The following HTRA2 variants were observed in gnomAD, a reference collection of about 807,000 sequenced individuals.
The protein encoded by HTRA2 is serine protease HTRA2, mitochondrial.
A neutral mutation model predicts 42.2 loss-of-function variants in HTRA2; 24 were observed. That is an observed-to-expected ratio of 0.57 (90% CI 0.41 to 0.80). The LOEUF (loss-of-function observed/expected upper bound fraction) is 0.80, where lower values mean the gene tolerates loss of function less well. HTRA2 is among the 30% of genes least tolerant of loss of function. HTRA2 has a pLI of 0.00. For missense variants in HTRA2, 466 were observed against 613.5 expected (o/e 0.76, Z 2.54); for synonymous variants, 245 against 255.8 (o/e 0.96, Z 0.40).
chr2:74,532,453 G>A, intron 6 of HTRA2, 166 bp from the exon 7 acceptor site: 1 of 675,366 alleles, frequency 1.5e-6, no homozygotes, highest in Admixed American at 2.0e-5. Context: ...TGTACATGTT[G>A]CACTTTATTG....
Position 74,531,372 on chromosome 2 carries a change from G to A in HTRA2, c.939+1G>A. ...CTCTGGAGGTCCCCTGGTTAACCTG[G>A]TGAGTGAGACATCCTTCCTTCCAAG... On this transcript the variant is annotated splice_donor_variant, in intron 4 of 7. Coordinates refer to ENST00000258080, the MANE Select transcript of HTRA2 (RefSeq NM_013247.5). LOFTEE classifies it high-confidence loss of function. 6.2e-7 allele frequency: 1 copy of A among 1,614,136 alleles called. No individual in the cohort carries two copies. Among genetic ancestry groups the A allele is most frequent in the Non-Finnish European group, 8.5e-7 (1 of 1,179,962 alleles).
Position 74,531,312 on chromosome 2 carries a change from C to T in HTRA2, c.907-27C>T, listed in dbSNP as rs749674762. On this transcript the variant is annotated intron_variant, in intron 3 of 7. Transcript: ENST00000258080. ...CCCCAGACTTAGAATCCCCAGATCT[C>T]TTTCATGTTTTCTCCTTGTCCTACA... 2.5e-6 allele frequency: 4 copies of T among 1,613,344 alleles called. No homozygotes were observed. The South Asian group carries it at 4.4e-5, about 18-fold the overall frequency.
At chr2:74,531,212 C>T (rs1675570091) in intron 3 of HTRA2, 107 bp downstream of exon 3, 5 of 1,548,256 alleles carry the variant, frequency 3.2e-6, no homozygotes, top group Admixed American at 1.7e-5. Flanking sequence ...AGAGCTTAGG[C>T]TGCAAAAATG....
Position 74,533,001 on chromosome 2 carries a change from T to C in HTRA2, c.*16T>C. 1 of 1,611,296 alleles carries C rather than the reference T, an allele frequency of 6.2e-7. No homozygotes were observed. The highest frequency in any genetic ancestry group is 8.5e-7 in the Non-Finnish European group (1 of 1,178,532). On this transcript the variant is annotated 3_prime_UTR_variant, in exon 8 of 8. Transcript: ENST00000258080. The stretch of plus-strand genomic sequence containing the variant: ...CACAGAATGAATAGATCACCAAGAG[T>C]ATGAGGCTCCTGCTCTGATTTCCTC...
rs777594437 is a variant in HTRA2 at position 74,531,848 on chromosome 2, T to C, written c.1046-8T>C. On this transcript the variant is annotated splice_region_variant and splice_polypyrimidine_tract_variant and intron_variant, in intron 5 of 7. Coordinates refer to ENST00000258080, the MANE Select transcript of HTRA2 (RefSeq NM_013247.5). ...GCTGGGTGGGGCTCATTTGTCCCTC[T>C]GTCACAGATTCCTCCTCCGGAATCA... is the stretch of plus-strand genomic sequence containing the variant. The C allele has an allele frequency of 3.0e-5, 48 of 1,613,894 alleles. No individual in the cohort carries two copies. The highest frequency in any genetic ancestry group is 3.9e-5 in the Non-Finnish European group (46 of 1,180,034).
chr2:74,529,780 G>T (rs1675444833), upstream of HTRA2: 6 of 1,456,780 alleles, frequency 4.1e-6, no homozygotes, highest in Non-Finnish European at 5.4e-6. Context: ...AGCGGTCCCA[G>T]CATACCCCGC....
upstream of HTRA2, chr2:74,529,771 G>C (rs886056341): frequency 2.0e-6 from 3 of 1,474,730 alleles, no homozygotes; most frequent in East Asian, 4.9e-5. Context: ...GGAAGGGCTA[G>C]CGGTCCCAGC....
chr2:74,530,445 T>C lies in HTRA2; in HGVS notation c.439T>C (p.Tyr147His). Residue 147 changes from tyrosine to histidine, a missense_variant, in exon 1 of 8, where the codon TAC becomes CAC. By Grantham distance (83) the Tyr-to-His change is moderately conservative (BLOSUM62 2). This residue lies in a region of HTRA2 where 222 missense variants were observed against 205.1 expected (regional missense o/e 1.08). Coordinates refer to ENST00000258080, the MANE Select transcript of HTRA2 (RefSeq NM_013247.5). The surrounding 1 kb of genome is among the most constrained non-coding windows in gnomAD (Gnocchi z 7.4). Reference sequence around the variant, plus strand: ...GCCGCCCGCTTCTCCCCGGAGTCAGTACAACTTCATCGCAGATGTGGTGGA... The same window carrying C: ...GCCGCCCGCTTCTCCCCGGAGTCAGCACAACTTCATCGCAGATGTGGTGGA... ...SPPPASPRSQYNFIADVVEKT... is the reference protein window; with the variant it reads ...SPPPASPRSQHNFIADVVEKT... 6.2e-7 allele frequency: 1 copy of C among 1,605,984 alleles called. No homozygotes were observed. Among genetic ancestry groups the C allele is most frequent in the Non-Finnish European group, 8.5e-7 (1 of 1,179,826 alleles).
rs755412136 is a variant in HTRA2, at chr2:74,530,516, ATGG to A, written c.506+8_506+10del. The A allele has an allele frequency of 4.3e-5, 69 of 1,612,530 alleles. No homozygotes were observed. The highest frequency in any genetic ancestry group is 5.3e-5 in the Non-Finnish European group (63 of 1,180,004). On this transcript the variant is annotated splice_donor_5th_base_variant and intron_variant, in intron 1 of 7. Transcript: ENST00000258080. The surrounding 1 kb of genome is among the most constrained non-coding windows in gnomAD (Gnocchi z 7.4). ...TCTATATCGAGATCCTGGACCGGTAATGGTGGGGGTAGACCGGGAGGCACTGAA... is the reference window on the plus strand; with the variant it reads ...TCTATATCGAGATCCTGGACCGGTAATGGGGGTAGACCGGGAGGCACTGAA...
At chr2:74,531,747 A>G in intron 5 of HTRA2, 45 bp downstream of exon 5, 1 of 1,612,866 alleles carries the variant, frequency 6.2e-7, no homozygotes. Flanking sequence ...ATGTGGTGGA[A>G]ATAGGGGAAG....
chr2:74,532,961 T>C lies in HTRA2; in HGVS notation c.1353T>C (p.Tyr451=). Reference sequence around the variant, plus strand: ...GGGGACGAGAAACACTGACCTTATATGTGACCCCTGAGGTCACAGAATGAA... The same window carrying C: ...GGGGACGAGAAACACTGACCTTATACGTGACCCCTGAGGTCACAGAATGAA... ...IRRGRETLTL[Y]VTPEVTE Residue 451 remains tyrosine (Y), a synonymous_variant, in exon 8 of 8, where the codon TAT becomes TAC. Coordinates refer to ENST00000258080, the MANE Select transcript of HTRA2 (RefSeq NM_013247.5). 1 of 1,613,998 alleles carries C rather than the reference T, an allele frequency of 6.2e-7. No homozygotes were observed.
chr2:74,531,551 C>G, intron 4 of HTRA2, 46 bp from the exon 5 acceptor site: 1 of 1,613,774 alleles, frequency 6.2e-7, no homozygotes, highest in Non-Finnish European at 8.5e-7. Flanking sequence ...GCCCCCATCC[C>G]CTACTATTTG....
At position 74,532,821 on chromosome 2, in the gene HTRA2, G is replaced by A; in HGVS notation, c.1213G>A (p.Ala405Thr). The change falls in exon 8 of 8, where the codon GCT becomes ACT. Residue 405 changes from alanine to threonine, a missense_variant and splice_region_variant. Coordinates refer to ENST00000258080, the MANE Select transcript of HTRA2 (RefSeq NM_013247.5). ...KVILGSPAHR[A>T]GLRPGDVILA... ...CTCTCTGTCCATTTTTCTCTATAGGGCTGGTCTGCGGCCTGGTGATGTGAT... is the reference window on the plus strand; with the variant it reads ...CTCTCTGTCCATTTTTCTCTATAGGACTGGTCTGCGGCCTGGTGATGTGAT... 1 of 1,614,056 alleles carries A rather than the reference G, an allele frequency of 6.2e-7. No homozygotes were observed. The highest frequency in any genetic ancestry group is 8.5e-7 in the Non-Finnish European group (1 of 1,180,030).
rs1017986907 is a variant in HTRA2, at chr2:74,530,329, C to T, written c.323C>T (p.Ala108Val). Residue 108 changes from alanine to valine, a missense_variant, in exon 1 of 8, where the codon GCG (alanine) becomes GTG (valine). Physicochemically the swap from Ala to Val is moderately conservative, Grantham distance 64 (BLOSUM62 0). Around this residue, in one of 3 missense-constraint regions of HTRA2, gnomAD observed 222 missense variants for 205.1 expected, o/e 1.08. Coordinates refer to ENST00000258080, the MANE Select transcript of HTRA2 (RefSeq NM_013247.5). The surrounding 1 kb of genome is among the most constrained non-coding windows in gnomAD (Gnocchi z 7.4). ...GGAACCCGTTCGCGCGCGTGGCTGG[C>T]GGTGGCGCTGGGCGCTGGGGGGGCA... ...NSGTRSRAWL[A>V]VALGAGGAVL... 1 of 1,593,978 alleles carries T rather than the reference C, an allele frequency of 6.3e-7. No individual in the cohort carries two copies. Among genetic ancestry groups the T allele is most frequent in the African/African-American group, 1.3e-5 (1 of 74,346 alleles).
Position 74,530,684 on chromosome 2 carries a change from C to G in HTRA2, c.574C>G (p.Leu192Val), listed in dbSNP as rs750741830. 1.4e-5 allele frequency: 23 copies of G among 1,614,092 alleles called. No individual in the cohort carries two copies. Among genetic ancestry groups the G allele is most frequent in the Non-Finnish European group, 1.9e-5 (23 of 1,180,044 alleles). The change falls in exon 2 of 8, where the codon CTC (leucine) becomes GTC (valine). Residue 192 changes from leucine to valine, a missense_variant. Transcript: ENST00000258080. This position sits in a 1 kb window ranked among gnomAD's most constrained non-coding sequence, Gnocchi z 7.4. ...GSGFVVAADG[L>V]IVTNAHVVAD... ...AGGATTCGTGGTGGCTGCCGATGGG[C>G]TCATTGTCACCAACGCCCATGTGGT...
chr2:74,530,121 C>A lies in HTRA2; in HGVS notation c.115C>A (p.Leu39Met), dbSNP rs1467468369. ...TTTGACCCCTGACCTCCGGGCCCTGCTGACGTCAGGAACTTCTGACCCCCG... is the reference window on the plus strand; with the variant it reads ...TTTGACCCCTGACCTCCGGGCCCTGATGACGTCAGGAACTTCTGACCCCCG... ...PRLTPDLRAL[L>M]TSGTSDPRAR... Residue 39 changes from leucine to methionine, a missense_variant, in exon 1 of 8, where the codon CTG becomes ATG. Around this residue, in one of 3 missense-constraint regions of HTRA2, gnomAD observed 222 missense variants for 205.1 expected, o/e 1.08. Transcript: ENST00000258080. This position sits in a 1 kb window ranked among gnomAD's most constrained non-coding sequence, Gnocchi z 7.4. 1 of 1,611,086 alleles carries A rather than the reference C, an allele frequency of 6.2e-7. No homozygotes were observed. The highest frequency in any genetic ancestry group is 1.7e-5 in the Admixed American group (1 of 59,950).
chr2:74,530,186 G>A lies in HTRA2; in HGVS notation c.180G>A (p.Arg60=). ...VTYGTPSLWA[R]LSVGVTEPRA... The stretch of plus-strand genomic sequence containing the variant: ...ATGGGACCCCCAGTCTCTGGGCCCG[G>A]TTGTCTGTTGGGGTCACTGAACCCC... Residue 60 remains arginine (R), a synonymous_variant, in exon 1 of 8, where the codon CGG becomes CGA. Coordinates refer to ENST00000258080, the MANE Select transcript of HTRA2 (RefSeq NM_013247.5). This position sits in a 1 kb window ranked among gnomAD's most constrained non-coding sequence, Gnocchi z 7.4. 6.2e-7 allele frequency: 1 copy of A among 1,611,656 alleles called. No individual in the cohort carries two copies. Among genetic ancestry groups the A allele is most frequent in the East Asian group, 2.2e-5 (1 of 44,822 alleles).
intron 3 of HTRA2, 83 bp from the exon 4 acceptor site, chr2:74,531,256 A>AT: frequency 6.4e-7 from 1 of 1,571,616 alleles, no homozygotes; most frequent in Non-Finnish European, 8.8e-7. Context: ...AAAGAAGAGA[A>AT]TTTGGAGAAA....
chr2:74,532,800 C>T lies in HTRA2; in HGVS notation c.1212-20C>T. ...AGGCTTTGTACTCCTTCCTTTCTCT[C>T]TGTCCATTTTTCTCTATAGGGCTGG... On this transcript the variant is annotated intron_variant, in intron 7 of 7. Coordinates refer to ENST00000258080, the MANE Select transcript of HTRA2 (RefSeq NM_013247.5). 6.2e-7 allele frequency: 1 copy of T among 1,614,150 alleles called. No individual in the cohort carries two copies. The highest frequency in any genetic ancestry group is 8.5e-7 in the Non-Finnish European group (1 of 1,180,014).
Sources: allele counts gnomAD v4.1 joint callset, GRCh38; gene constraint gnomAD v4.1.1; regional missense constraint gnomAD v4.1.1; non-coding constraint Gnocchi (gnomAD v3.1); transcripts MANE v1.5; gene names NCBI Gene and HGNC (gene_info 2026-07-23, HGNC 2026-07-21).